Variants in CRPPA observed in about 807,000 individuals in gnomAD.
CRPPA encodes D-ribitol-5-phosphate cytidylyltransferase.
In CRPPA, 43 loss-of-function variants were observed where a neutral mutation model predicts 52.0. The observed-to-expected ratio is 0.83, with a 90% confidence interval of 0.65 to 1.07. The LOEUF (loss-of-function observed/expected upper bound fraction) is 1.07, where lower values mean the gene tolerates loss of function less well. CRPPA is among the 50% of genes least tolerant of loss of function. The pLI, the probability that CRPPA is intolerant of heterozygous loss-of-function variation, is 0.00. For synonymous variants in CRPPA, 250 were observed against 203.5 expected, an observed-to-expected ratio of 1.23 and a Z score of -1.94; for missense variants, 629 against 551.7, an observed-to-expected ratio of 1.14 and a Z score of -1.40.
intron 2 of CRPPA, among the ~76,000 whole-genome samples, chr7:16,405,624 C>T (rs1787934742): frequency 6.6e-6 from 1 of 152,060 alleles, no homozygotes; most frequent in Non-Finnish European, 1.5e-5. Flanking sequence ...ATTGTCATCT[C>T]AAGATGATTT....
At chr7:16,298,578 G>A (rs756832668) in intron 5 of CRPPA, among the ~76,000 whole-genome samples, 21 of 152,196 alleles carry the variant, frequency 1.4e-4, no homozygotes, top group Non-Finnish European at 2.8e-4. Context: ...CTGTGTAATA[G>A]TAATAGTGCC....
intron 3 of CRPPA, among the ~76,000 whole-genome samples, chr7:16,373,524 T>C (rs1413803067): frequency 6.6e-6 from 1 of 152,214 alleles, no homozygotes; most frequent in Non-Finnish European, 1.5e-5. Context: ...GCAGAGGAGT[T>C]TGACATTTCA....
chr7:16,125,888 TACACACAC>T (rs3083131), intron 9 of CRPPA, among the ~76,000 whole-genome samples: 51,718 of 134,050 alleles, frequency 0.39, 10,542 homozygotes, highest in Admixed American at 0.46. Context: ...GAAGCTTGCC[TACACACAC>T]ACACACACAC....
At chr7:16,221,430 C>A (rs928971040) in intron 8 of CRPPA, among the ~76,000 whole-genome samples, 56 of 152,236 alleles carry the variant, frequency 3.7e-4, no homozygotes, top group African/African-American at 1.1e-3. Flanking sequence ...GCAACAAAAG[C>A]CAAAATTGAC....
At position 16,308,514 on chromosome 7, in the gene CRPPA, C is replaced by G; in HGVS notation, c.789+9G>C. On this transcript the variant is annotated intron_variant, in intron 4 of 9. Coordinates refer to ENST00000407010, the MANE Select transcript of CRPPA (RefSeq NM_001101426.4). Reference sequence around the variant, plus strand: ...GAAAAGAACCCAAGCAAGGTATCATCCCTCTTACCTTCCAGAGGTCAGGTG... The same window carrying G: ...GAAAAGAACCCAAGCAAGGTATCATGCCTCTTACCTTCCAGAGGTCAGGTG... 1 of 1,482,088 alleles carries G rather than the reference C, an allele frequency of 6.7e-7. No individual in the cohort carries two copies. Among genetic ancestry groups the G allele is most frequent in the Non-Finnish European group, 9.4e-7 (1 of 1,064,534 alleles). 91.8% of individuals were successfully genotyped at this position (1,482,088 alleles called of 1,614,324 possible).
At position 16,089,064 on chromosome 7, in the gene CRPPA, A is replaced by T. The variant is rs893530639; in HGVS notation, c.*2631T>A. The stretch of plus-strand genomic sequence containing the variant: ...TACTATTCAGTCACATGATTTTGGC[A>T]AGGTAACTAAGATCCCTGAGCTCCA... On this transcript the variant is annotated 3_prime_UTR_variant, in exon 10 of 10. Coordinates refer to ENST00000407010, the MANE Select transcript of CRPPA (RefSeq NM_001101426.4). 1 of 224,944 alleles carries T rather than the reference A, an allele frequency of 4.4e-6. No homozygotes were observed. Among genetic ancestry groups the T allele is most frequent in the Non-Finnish European group, 9.8e-6 (1 of 101,974 alleles). The allele number at this position is 224,944 out of a possible 1,614,324, so 13.9% of individuals were successfully genotyped here.
At position 16,186,819 on chromosome 7, in the gene CRPPA, C is replaced by T. The variant is rs1781513375; in HGVS notation, c.1251+29247G>A. The stretch of plus-strand genomic sequence containing the variant: ...TATAGCAGATATAACAGAGCAAAAT[C>T]TAGAAAACTCAGAGGAGGAAAAATA... On this transcript the variant is annotated intron_variant, in intron 9 of 9. Coordinates refer to ENST00000407010, the MANE Select transcript of CRPPA (RefSeq NM_001101426.4). 2.0e-5 allele frequency among the ~76,000 whole-genome samples: 3 copies of T among 152,036 alleles called. No individual in the cohort carries two copies. The South Asian group carries it at 6.2e-4, about 31-fold the overall frequency.
At chr7:16,284,468 A>T (rs1263195775) in intron 5 of CRPPA, among the ~76,000 whole-genome samples, 1 of 152,128 alleles carries the variant, frequency 6.6e-6, no homozygotes, top group Non-Finnish European at 1.5e-5. Context: ...CAATAAGAAC[A>T]TAAATTGAAA....
chr7:16,362,644 T>G lies in CRPPA; in HGVS notation c.684+13448A>C, dbSNP rs546891605. Reference sequence around the variant, plus strand: ...GAATTATTTGCCTGGACACCTGAGGTATGAGAGAAAGTTATTAAATACAGG... The same window carrying G: ...GAATTATTTGCCTGGACACCTGAGGGATGAGAGAAAGTTATTAAATACAGG... On this transcript the variant is annotated intron_variant, in intron 3 of 9. Transcript: ENST00000407010. Among the ~76,000 whole-genome samples the G allele has an allele frequency of 5.9e-5, 9 of 152,278 alleles. No homozygotes were observed. The South Asian group carries it at 1.9e-3, about 32-fold the overall frequency.
At chr7:16,351,522 T>C (rs981918637) in intron 3 of CRPPA, among the ~76,000 whole-genome samples, 3 of 151,500 alleles carry the variant, frequency 2.0e-5, no homozygotes, top group Non-Finnish European at 2.9e-5. Flanking sequence ...CTGACAAAGG[T>C]CAAATATCCA....
chr7:16,398,384 C>T (rs1787677420), intron 2 of CRPPA, among the ~76,000 whole-genome samples: 1 of 151,718 alleles, frequency 6.6e-6, no homozygotes, highest in Non-Finnish European at 1.5e-5. Flanking sequence ...GCATGATTGA[C>T]ATGTGACTGA....
At chr7:16,414,520 A>G (rs998110261) in intron 1 of CRPPA, among the ~76,000 whole-genome samples, 1 of 152,154 alleles carries the variant, frequency 6.6e-6, no homozygotes, top group African/African-American at 2.4e-5. Flanking sequence ...AGATACATCA[A>G]TTGATAAATT....
At chr7:16,251,240 A>C (rs1317586578) in intron 8 of CRPPA, among the ~76,000 whole-genome samples, 1 of 152,160 alleles carries the variant, frequency 6.6e-6, no homozygotes, top group Non-Finnish European at 1.5e-5. Flanking sequence ...GTTCTTAGAG[A>C]CCTACAAAGA....
chr7:16,192,659 T>G (rs1355008637), intron 9 of CRPPA, among the ~76,000 whole-genome samples: 1 of 152,132 alleles, frequency 6.6e-6, no homozygotes, highest in Non-Finnish European at 1.5e-5. Flanking sequence ...TGAACATGTT[T>G]GAGATTCAAC....
chr7:16,278,638 T>A (rs963873282), intron 5 of CRPPA, among the ~76,000 whole-genome samples: 1 of 152,234 alleles, frequency 6.6e-6, no homozygotes, highest in Admixed American at 6.5e-5. Context: ...TGTGCACAGA[T>A]TCAATGTGCC....
chr7:16,207,910 T>C (rs1004583272), intron 9 of CRPPA, among the ~76,000 whole-genome samples: 22 of 152,248 alleles, frequency 1.4e-4, no homozygotes, highest in African/African-American at 5.1e-4. Flanking sequence ...TCCTGAAGAC[T>C]ACCAGTAGGA....
intron 5 of CRPPA, among the ~76,000 whole-genome samples, chr7:16,282,330 TTTC>T (rs1211324698): frequency 6.6e-6 from 1 of 152,146 alleles, no homozygotes; most frequent in African/African-American, 2.4e-5. Context: ...TCTATTGTGG[TTTC>T]TTATTTCCTC....
intron 5 of CRPPA, among the ~76,000 whole-genome samples, chr7:16,300,942 C>G (rs1171125999): frequency 6.6e-6 from 1 of 152,140 alleles, no homozygotes; most frequent in East Asian, 1.9e-4. Context: ...TCTACAATTA[C>G]AAAATTGCAG....
At chr7:16,309,954 A>G (rs1209510625) in intron 3 of CRPPA, among the ~76,000 whole-genome samples, 2 of 152,198 alleles carry the variant, frequency 1.3e-5, no homozygotes, top group African/African-American at 4.8e-5. Flanking sequence ...AAATAAAATT[A>G]AGTTTAAAAA....
Sources: allele counts gnomAD v4.1 joint callset (sites outside exome capture counted in the v4.1 genomes callset), GRCh38; gene constraint gnomAD v4.1.1; transcripts MANE v1.5; gene names NCBI Gene and HGNC (gene_info 2026-07-23, HGNC 2026-07-21).